Variants in ADGRD1 observed in about 807,000 individuals in gnomAD.
The protein encoded by ADGRD1 is G-protein coupled receptor 133.
ADGRD1 carries 77 observed loss-of-function variants against 113.4 expected under a neutral mutation model. The observed-to-expected ratio is 0.68, with a 90% CI of 0.57 to 0.82. ADGRD1 has a LOEUF of 0.82. Among genes scored for constraint, ADGRD1 ranks in the 40% least tolerant of loss-of-function variants. ADGRD1 has a pLI of 0.00. For missense variants in ADGRD1, 1,036 were observed against 1,139.1 expected, an observed-to-expected ratio of 0.91 and a Z score of 1.30; for synonymous variants, 474 against 475.0, an observed-to-expected ratio of 1.00 and a Z score of 0.03.
chr12:130,987,271 G>T lies in ADGRD1; in HGVS notation c.667G>T (p.Gly223Cys). The T allele has an allele frequency of 6.2e-7, 1 of 1,614,206 alleles. No individual in the cohort carries two copies. Among genetic ancestry groups the T allele is most frequent in the Non-Finnish European group, 8.5e-7 (1 of 1,180,030 alleles). ...GGACCAGGCCAAGTGTTATGAGAAC[G>T]GTGCTTTCGATGAGTTCATCATCTG... ...EQDQAKCYENGAFDEFIIWER... is the reference protein window; with the variant it reads ...EQDQAKCYENCAFDEFIIWER... The change falls in exon 6 of 25, where the codon GGT becomes TGT. Residue 223 changes from glycine to cysteine, a missense_variant. By Grantham distance (159) the Gly-to-Cys change is radical. Transcript: ENST00000261654.
Position 130,954,457 on chromosome 12 carries a change from G to A in ADGRD1, c.-9G>A, listed in dbSNP as rs1458068130. The A allele has an allele frequency of 5.2e-6, 8 of 1,537,352 alleles. No individual in the cohort carries two copies. The highest frequency in any genetic ancestry group is 5.1e-5 in the South Asian group (4 of 78,394). On this transcript the variant is annotated 5_prime_UTR_variant, in exon 1 of 25. Transcript: ENST00000261654. This position sits in a 1 kb window ranked among gnomAD's most constrained non-coding sequence, Gnocchi z 4.7. Reference sequence around the variant, plus strand: ...CACTTGGCTCCGAGCTTTGACCTCCGAGAGAGCCATGGAAAAGCTGCTGCG... The same window carrying A: ...CACTTGGCTCCGAGCTTTGACCTCCAAGAGAGCCATGGAAAAGCTGCTGCG...
chr12:130,990,958 T>G (rs1874300142), intron 6 of ADGRD1, 56 bp from the exon 7 acceptor site: 1 of 1,386,744 alleles, frequency 7.2e-7, no homozygotes. Context: ...CAGGTCTTCC[T>G]CGTGGTGAAA....
At chr12:131,116,065 G>A (rs1950456397) in intron 18 of ADGRD1, among the ~76,000 whole-genome samples, 1 of 152,148 alleles carries the variant, frequency 6.6e-6, no homozygotes, top group South Asian at 2.1e-4. Flanking sequence ...TCCCACTTAG[G>A]AATGTTTTCT....
intron 8 of ADGRD1, among the ~76,000 whole-genome samples, chr12:130,996,396 G>T (rs1394436260): frequency 8.8e-6 from 1 of 113,322 alleles, no homozygotes; most frequent in Admixed American, 8.2e-5. Context: ...GCGGCTGGCC[G>T]GGCGGGGGGC....
intron 13 of ADGRD1, chr12:131,026,525 A>G (rs1178438301): frequency 6.6e-6 from 1 of 152,252 alleles, no homozygotes; most frequent in African/African-American, 2.4e-5. Context: ...ACCCCGGAAC[A>G]GAGGAGGTTC....
intron 21 of ADGRD1, among the ~76,000 whole-genome samples, chr12:131,133,944 G>A (rs1226272820): frequency 2.0e-5 from 3 of 152,194 alleles, no homozygotes; most frequent in African/African-American, 7.2e-5. Context: ...TTCCTCAGGG[G>A]CCCTCCACAG....
chr12:131,088,487 G>C (rs1291263867), intron 15 of ADGRD1, among the ~76,000 whole-genome samples: 1 of 152,260 alleles, frequency 6.6e-6, no homozygotes, highest in African/African-American at 2.4e-5. Flanking sequence ...GGGCCTGCCT[G>C]AGAAGGTGGC....
chr12:131,139,267 G>A lies in ADGRD1; in HGVS notation c.*4G>A, dbSNP rs375701134. The A allele has an allele frequency of 2.7e-5, 44 of 1,606,062 alleles. No homozygotes were observed. Among genetic ancestry groups the A allele is most frequent in the African/African-American group, 8.0e-5 (6 of 74,890 alleles). Reference sequence around the variant, plus strand: ...CGTCGACCTGTCAGCCGTGTGAGCCGGGAGGCTGCCAACCAGGCCAGGCTG... The same window carrying A: ...CGTCGACCTGTCAGCCGTGTGAGCCAGGAGGCTGCCAACCAGGCCAGGCTG... On this transcript the variant is annotated 3_prime_UTR_variant, in exon 25 of 25. Coordinates refer to ENST00000261654, the MANE Select transcript of ADGRD1 (RefSeq NM_198827.5).
At chr12:131,015,622 AGT>A in intron 13 of ADGRD1, among the ~76,000 whole-genome samples, 1 of 146,426 alleles carries the variant, frequency 6.8e-6, no homozygotes, top group African/African-American at 2.7e-5. Context: ...ATGGAGATGG[AGT>A]TGGAGATGGA....
intron 2 of ADGRD1, among the ~76,000 whole-genome samples, chr12:130,960,823 C>T (rs1438643997): frequency 6.6e-6 from 1 of 152,040 alleles, no homozygotes; most frequent in Non-Finnish European, 1.5e-5. Context: ...CATGAGAAAA[C>T]CAAATAAGGA....
In ADGRD1 at chr12:131,113,450, C is replaced by T. The variant is rs952730333; in HGVS notation, c.2041+4573C>T. On this transcript the variant is annotated intron_variant, in intron 18 of 24. Coordinates refer to ENST00000261654, the MANE Select transcript of ADGRD1 (RefSeq NM_198827.5). The surrounding 1 kb of genome is among the most constrained non-coding windows in gnomAD (Gnocchi z 4.9). Reference sequence around the variant, plus strand: ...GCTGTGCATTGACACTTAGCATTCTCGCAGTTGTTGTAAAACACTGACCAG... The same window carrying T: ...GCTGTGCATTGACACTTAGCATTCTTGCAGTTGTTGTAAAACACTGACCAG... Among the ~76,000 whole-genome samples, 4 of 152,102 alleles carry T rather than the reference C, an allele frequency of 2.6e-5. No homozygotes were observed. Among genetic ancestry groups the T allele is most frequent in the African/African-American group, 4.8e-5 (2 of 41,410 alleles).
chr12:131,132,935 G>T (rs1434115537), intron 21 of ADGRD1, among the ~76,000 whole-genome samples: 9 of 152,256 alleles, frequency 5.9e-5, no homozygotes, highest in Admixed American at 5.2e-4. Flanking sequence ...TATGTCAGCA[G>T]CGAATCTATG....
chr12:131,037,312 C>T (rs1215947609), intron 13 of ADGRD1, among the ~76,000 whole-genome samples: 2 of 145,238 alleles, frequency 1.4e-5, no homozygotes, highest in Non-Finnish European at 3.0e-5. Context: ...CAGGATCTTA[C>T]TCACTGCATG....
chr12:131,106,174 A>T (rs1285111524), intron 17 of ADGRD1, among the ~76,000 whole-genome samples: 1 of 152,144 alleles, frequency 6.6e-6, no homozygotes, highest in Non-Finnish European at 1.5e-5. Context: ...ACCAGCTGTC[A>T]TCCTCTCAGC....
chr12:131,117,586 G>C (rs1950497749), intron 18 of ADGRD1, among the ~76,000 whole-genome samples: 1 of 152,138 alleles, frequency 6.6e-6, no homozygotes, highest in African/African-American at 2.4e-5. Context: ...GTCTCATTGG[G>C]CCAGCCAGGG....
intron 8 of ADGRD1, among the ~76,000 whole-genome samples, chr12:130,997,161 C>T (rs1308111): frequency 5.8e-5 from 6 of 103,916 alleles, no homozygotes; most frequent in African/African-American, 2.4e-4. Context: ...CCCTCCCGGA[C>T]GGGGCGGCTT....
chr12:131,044,742 T>A (rs1012759224), intron 13 of ADGRD1, among the ~76,000 whole-genome samples: 3 of 152,184 alleles, frequency 2.0e-5, no homozygotes, highest in Admixed American at 2.0e-4. Context: ...GAGTTTCTTT[T>A]TACACACACA....
In ADGRD1 at chr12:131,113,924, T is replaced by G. The variant is rs1254484636; in HGVS notation, c.2042-4461T>G. 6.6e-6 allele frequency among the ~76,000 whole-genome samples: 1 copy of G among 152,164 alleles called. No individual in the cohort carries two copies. Among genetic ancestry groups the G allele is most frequent in the Non-Finnish European group, 1.5e-5 (1 of 68,030 alleles). ...TTAGAGGCTGACTGATGGCCAACTA[T>G]CTAGAGTTTATTATAGTTTCTTTAT... On this transcript the variant is annotated intron_variant, in intron 18 of 24. Transcript: ENST00000261654. This position sits in a 1 kb window ranked among gnomAD's most constrained non-coding sequence, Gnocchi z 4.9.
chr12:131,126,548 T>C (rs1346208392), intron 20 of ADGRD1, among the ~76,000 whole-genome samples: 1 of 152,220 alleles, frequency 6.6e-6, no homozygotes, highest in Non-Finnish European at 1.5e-5. Flanking sequence ...GGTGTCCAGC[T>C]CAGTGTTTAT....
Sources: allele counts gnomAD v4.1 joint callset (sites outside exome capture counted in the v4.1 genomes callset), GRCh38; gene constraint gnomAD v4.1.1; non-coding constraint Gnocchi (gnomAD v3.1); transcripts MANE v1.5; gene names NCBI Gene and HGNC (gene_info 2026-07-23, HGNC 2026-07-21).